The following DPYD variants were observed in gnomAD, a reference collection of about 807,000 sequenced individuals.
DPYD encodes dihydropyrimidine dehydrogenase [NADP(+)].
Under a neutral mutation model 116.2 loss-of-function variants are expected in DPYD, and 109 were observed. The observed-to-expected ratio is 0.94, with a 90% CI of 0.80 to 1.10. The LOEUF (loss-of-function observed/expected upper bound fraction) is 1.10. Ranked by LOEUF, DPYD falls within the 50% of genes least tolerant of loss-of-function variation. DPYD has a pLI of 0.00. For synonymous variants in DPYD, 440 were observed against 432.0 expected (o/e 1.02, Z -0.23); for missense variants, 1,302 against 1,254.5 (o/e 1.04, Z -0.57).
chr1:97,879,798 T>C (rs1672101614), intron 2 of DPYD, among the ~76,000 whole-genome samples: 1 of 151,882 alleles, frequency 6.6e-6, no homozygotes. Context: ...TAAACGATTT[T>C]AGACTACTTA....
chr1:97,429,126 T>C (rs1477644701), intron 14 of DPYD, among the ~76,000 whole-genome samples: 3 of 152,068 alleles, frequency 2.0e-5, no homozygotes, highest in Non-Finnish European at 2.9e-5. Context: ...TTAATAATCA[T>C]ACAGAGATAA....
intron 20 of DPYD, among the ~76,000 whole-genome samples, chr1:97,117,984 C>T (rs921730995): frequency 6.6e-6 from 1 of 152,038 alleles, no homozygotes; most frequent in Non-Finnish European, 1.5e-5. Context: ...ATATATAACA[C>T]CTTTTCACTA....
At chr1:97,549,471 T>C (rs1301199787) in intron 12 of DPYD, 89 bp downstream of exon 12, 7 of 1,399,044 alleles carry the variant, frequency 5.0e-6, no homozygotes, top group African/African-American at 4.3e-5. Flanking sequence ...ATATACCAAA[T>C]AGAAATGCTC....
At chr1:97,205,623 T>C (rs948696163) in intron 19 of DPYD, among the ~76,000 whole-genome samples, 7 of 152,130 alleles carry the variant, frequency 4.6e-5, no homozygotes, top group Non-Finnish European at 8.8e-5. Context: ...AATAAATAAT[T>C]CCTTAGTGTA....
At chr1:97,606,243 T>C (rs1571047610) in intron 8 of DPYD, among the ~76,000 whole-genome samples, 1 of 152,074 alleles carries the variant, frequency 6.6e-6, no homozygotes, top group East Asian at 1.9e-4. Context: ...TATTAGGTGA[T>C]GAAGATACAT....
At chr1:97,668,261 T>G (rs914073208) in intron 8 of DPYD, among the ~76,000 whole-genome samples, 4 of 152,144 alleles carry the variant, frequency 2.6e-5, no homozygotes, top group Non-Finnish European at 4.4e-5. Context: ...GCCAACTTAA[T>G]GTATTAGCCA....
chr1:97,752,163 A>G (rs916286423), intron 3 of DPYD, among the ~76,000 whole-genome samples: 7 of 152,092 alleles, frequency 4.6e-5, no homozygotes, highest in African/African-American at 1.4e-4. Flanking sequence ...CAATGTCCAT[A>G]TATGAATTGT....
chr1:97,093,326 A>G (rs1650017069), intron 21 of DPYD, among the ~76,000 whole-genome samples: 1 of 152,170 alleles, frequency 6.6e-6, no homozygotes, highest in Non-Finnish European at 1.5e-5. Flanking sequence ...CCTGAAAAAT[A>G]CATAGGCTTC....
chr1:97,168,626 A>G (rs1336560285), intron 20 of DPYD, among the ~76,000 whole-genome samples: 1 of 152,150 alleles, frequency 6.6e-6, no homozygotes, highest in African/African-American at 2.4e-5. Context: ...ACATTGCTTT[A>G]GACAAATCTT....
At chr1:97,413,820 T>C (rs1674144049) in intron 14 of DPYD, among the ~76,000 whole-genome samples, 1 of 152,238 alleles carries the variant, frequency 6.6e-6, no homozygotes, top group East Asian at 1.9e-4. Flanking sequence ...GGCTAAGCAA[T>C]TTCCTATCCT....
intron 16 of DPYD, among the ~76,000 whole-genome samples, chr1:97,323,731 C>CAT (rs561979819): frequency 1.0e-3 from 152 of 145,756 alleles, no homozygotes; most frequent in African/African-American, 3.2e-3. Flanking sequence ...CATATATATA[C>CAT]ATATATATAT....
At chr1:97,725,861 T>G (rs1663226951) in intron 4 of DPYD, among the ~76,000 whole-genome samples, 1 of 151,422 alleles carries the variant, frequency 6.6e-6, no homozygotes. Context: ...GTATGGAGGT[T>G]TTTTTTAGCG....
At chr1:97,176,897 T>TGGGGGG (rs1553228786) in intron 20 of DPYD, among the ~76,000 whole-genome samples, 3 of 79,668 alleles carry the variant, frequency 3.8e-5, no homozygotes, top group African/African-American at 7.5e-5. Context: ...TGTGTGTGTG[T>TGGGGGG]AGGGGGGGTG....
chr1:97,271,213 G>A (rs78340425), intron 18 of DPYD, among the ~76,000 whole-genome samples: 6,009 of 152,296 alleles, frequency 0.039, 151 homozygotes, highest in Middle Eastern at 0.1. Flanking sequence ...GAGCCTGGGG[G>A]CAGGCAGGGA....
chr1:97,385,259 T>A (rs369936666), intron 14 of DPYD, among the ~76,000 whole-genome samples: 3 of 110,756 alleles, frequency 2.7e-5, no homozygotes, highest in South Asian at 6.5e-4. Context: ...ACCTAATACC[T>A]CTTGGTGTAG....
At chr1:97,418,062 A>G (rs1029179060) in intron 14 of DPYD, among the ~76,000 whole-genome samples, 26 of 152,210 alleles carry the variant, frequency 1.7e-4, no homozygotes, top group African/African-American at 6.0e-4. Flanking sequence ...TTGTGGAAGG[A>G]TTTAGTAAAT....
intron 18 of DPYD, among the ~76,000 whole-genome samples, chr1:97,288,273 TCAA>T (rs200022689): frequency 0.1 from 15,083 of 148,810 alleles, 1,351 homozygotes; most frequent in African/African-American, 0.25. Context: ...ATTAGACAGA[TCAA>T]CGAGACAGAA....
intron 3 of DPYD, among the ~76,000 whole-genome samples, chr1:97,787,325 A>C (rs1197289988): frequency 6.6e-6 from 1 of 152,212 alleles, no homozygotes; most frequent in Non-Finnish European, 1.5e-5. Context: ...TAAACAGTGA[A>C]ATAGATCATA....
At chr1:97,312,769 C>T (rs961791159) in intron 16 of DPYD, among the ~76,000 whole-genome samples, 10 of 151,758 alleles carry the variant, frequency 6.6e-5, no homozygotes, top group Non-Finnish European at 7.4e-5. Context: ...ACCTCTGAAA[C>T]GTTCCATATT....
Sources: gnomAD v4.1 joint callset for allele counts (sites outside exome capture counted in the v4.1 genomes callset) on GRCh38, gnomAD v4.1.1 for gene constraint, MANE v1.5 for transcripts, NCBI Gene and HGNC (gene_info 2026-07-23, HGNC 2026-07-21) for gene names.